The following PUS10 variants were observed in gnomAD, a reference collection of about 807,000 sequenced individuals.
PUS10 encodes tRNA pseudouridine synthase Pus10.
In PUS10, 59 loss-of-function variants were observed where a neutral mutation model predicts 75.0. The ratio of observed to expected loss-of-function variants is 0.79; its 90% CI spans 0.64 to 0.98. The LOEUF (loss-of-function observed/expected upper bound fraction) is 0.98, where lower values mean the gene tolerates loss of function less well. Among genes scored for constraint, PUS10 ranks in the 50% least tolerant of loss-of-function variants. The probability of loss-of-function intolerance (pLI) is 0.00; values close to 1 mark genes in which losing one functional copy is unlikely to be tolerated. For synonymous variants in PUS10, 219 were observed against 211.6 expected (o/e 1.03, Z -0.30); for missense variants, 650 against 614.4 (o/e 1.06, Z -0.61).
chr2:60,981,944 C>T (rs560007013), intron 4 of PUS10, among the ~76,000 whole-genome samples: 3 of 151,910 alleles, frequency 2.0e-5, no homozygotes, highest in African/African-American at 7.3e-5. Context: ...TTGAAACAAA[C>T]AATTTTGAAG....
At chr2:61,008,665 G>T in intron 3 of PUS10, 96 bp downstream of exon 3, 1 of 1,037,082 alleles carries the variant, frequency 9.6e-7, no homozygotes, top group African/African-American at 1.6e-5. Context: ...AAAAAGAATT[G>T]TCTTGTCTTG....
chr2:60,993,406 G>A (rs1028759091), intron 4 of PUS10, among the ~76,000 whole-genome samples: 51 of 151,894 alleles, frequency 3.4e-4, no homozygotes, highest in African/African-American at 1.1e-3. Context: ...GCAGTGAGCT[G>A]AGATCATGCC....
At chr2:60,972,961 T>A (rs1676779556) in intron 4 of PUS10, among the ~76,000 whole-genome samples, 1 of 152,200 alleles carries the variant, frequency 6.6e-6, no homozygotes, top group Non-Finnish European at 1.5e-5. Context: ...GCTGCTGCCA[T>A]CAAGCCTGCT....
chr2:60,971,189 AAAT>A (rs1425353346), intron 5 of PUS10, among the ~76,000 whole-genome samples: 1 of 151,540 alleles, frequency 6.6e-6, no homozygotes, highest in East Asian at 1.9e-4. Context: ...CAAAAAAAAA[AAAT>A]AATAATAATA....
chr2:60,992,549 T>C (rs997068942), intron 4 of PUS10, among the ~76,000 whole-genome samples: 7 of 152,188 alleles, frequency 4.6e-5, no homozygotes, highest in Non-Finnish European at 7.3e-5. Flanking sequence ...AGATAATCAA[T>C]ACACATCATA....
chr2:60,982,422 C>T (rs1677454950), intron 4 of PUS10, among the ~76,000 whole-genome samples: 1 of 152,012 alleles, frequency 6.6e-6, no homozygotes, highest in African/African-American at 2.4e-5. Context: ...ACCACCACAC[C>T]CAGCTAATTT....
At chr2:60,973,520 C>G (rs1321915373) in intron 4 of PUS10, among the ~76,000 whole-genome samples, 4 of 152,270 alleles carry the variant, frequency 2.6e-5, no homozygotes, top group African/African-American at 7.2e-5. Context: ...TGCTGACACG[C>G]CAGCCCCATG....
At position 60,941,921 on chromosome 2, in the gene PUS10, T is replaced by A. The variant is rs1056156082; in HGVS notation, c.*474A>T. ...TCCTGGGGAAAATAATGATGTCAGATTTGCATTTGCAATCTTAGACTATTA... is the reference window on the plus strand; with the variant it reads ...TCCTGGGGAAAATAATGATGTCAGAATTGCATTTGCAATCTTAGACTATTA... On this transcript the variant is annotated 3_prime_UTR_variant, in exon 18 of 18. Coordinates refer to ENST00000316752, the MANE Select transcript of PUS10 (RefSeq NM_144709.4). 1 of 152,580 alleles carries A rather than the reference T, an allele frequency of 6.6e-6. No individual in the cohort carries two copies. Among genetic ancestry groups the A allele is most frequent in the African/African-American group, 2.4e-5 (1 of 41,468 alleles). The allele number at this position is 152,580 out of a possible 1,614,324, so 9.5% of individuals were successfully genotyped here.
chr2:61,016,716 C>A (rs1170998155), intron 1 of PUS10, among the ~76,000 whole-genome samples: 1 of 152,156 alleles, frequency 6.6e-6, no homozygotes, highest in East Asian at 1.9e-4. Flanking sequence ...TTTATTTTCA[C>A]CTCTTGGACG....
intron 4 of PUS10, among the ~76,000 whole-genome samples, chr2:61,000,322 T>A (rs1216723970): frequency 6.6e-6 from 1 of 152,230 alleles, no homozygotes; most frequent in Non-Finnish European, 1.5e-5. Flanking sequence ...TGTGACCAGG[T>A]TTCAGATGGC....
chr2:60,955,458 T>A (rs980436286), intron 11 of PUS10, among the ~76,000 whole-genome samples: 5 of 152,100 alleles, frequency 3.3e-5, no homozygotes, highest in African/African-American at 1.2e-4. Context: ...GCCTCCCAAG[T>A]AGCTGGGATC....
chr2:60,982,046 G>A (rs1677427380), intron 4 of PUS10, among the ~76,000 whole-genome samples: 1 of 151,566 alleles, frequency 6.6e-6, no homozygotes, highest in African/African-American at 2.4e-5. Context: ...AAAACAGATT[G>A]ACCAATAACT....
intron 4 of PUS10, among the ~76,000 whole-genome samples, chr2:60,989,965 CA>C (rs1323229382): frequency 3.3e-5 from 5 of 151,960 alleles, no homozygotes; most frequent in African/African-American, 1.2e-4. Flanking sequence ...ATGACCAACT[CA>C]CCAACAATAA....
chr2:61,010,382 G>C (rs1403595161), intron 2 of PUS10: 1 of 173,214 alleles, frequency 5.8e-6, no homozygotes, highest in East Asian at 1.4e-4. Context: ...GCAGTGGCAT[G>C]ATCTCGGCTC....
Position 60,967,632 on chromosome 2 carries a change from A to C in PUS10, c.504-19T>G, listed in dbSNP as rs541342671. 6.6e-7 allele frequency: 1 copy of C among 1,514,700 alleles called. No individual in the cohort carries two copies. The highest frequency in any genetic ancestry group is 2.3e-5 in the East Asian group (1 of 43,910). 93.8% of individuals were successfully genotyped at this position (1,514,700 alleles called of 1,614,324 possible). ...CTGCTTTCTGAATAACATAAAAATTAATTCACTGACATGAAAAACTTTACT... is the reference window on the plus strand; with the variant it reads ...CTGCTTTCTGAATAACATAAAAATTCATTCACTGACATGAAAAACTTTACT... On this transcript the variant is annotated intron_variant, in intron 5 of 17. Coordinates refer to ENST00000316752, the MANE Select transcript of PUS10 (RefSeq NM_144709.4).
Position 60,960,486 on chromosome 2 carries a change from TG to T in PUS10, c.905del (p.Pro302HisfsTer6). Reference protein sequence around the residue: ...GRYNKYSRNLPQTPWIIDGER... With the variant: ...GRYNKYSRNLXQTPWIIDGER... The stretch of plus-strand genomic sequence containing the variant: ...CTCCATCAATTATCCAAGGAGTTTG[TG>T]GTAGATTCCTGGAGTATTTATTATA... On this transcript the variant is annotated frameshift_variant, in exon 11 of 18. Coordinates refer to ENST00000316752, the MANE Select transcript of PUS10 (RefSeq NM_144709.4). LOFTEE classifies it high-confidence loss of function. 1 of 1,575,142 alleles carries T rather than the reference TG, an allele frequency of 6.3e-7. No homozygotes were observed.
At chr2:61,017,221 A>C (rs1680056861) in intron 1 of PUS10, 1 of 152,660 alleles carries the variant, frequency 6.6e-6, no homozygotes, top group Non-Finnish European at 1.5e-5. Flanking sequence ...AAGAGGGAAG[A>C]CTAAAGACAA....
At chr2:60,962,991 T>C in intron 8 of PUS10, 101 bp from the exon 9 acceptor site, 2 of 1,425,276 alleles carry the variant, frequency 1.4e-6, no homozygotes, top group Non-Finnish European at 1.8e-6. Context: ...TATCATTTCA[T>C]TATATCATTT....
intron 4 of PUS10, among the ~76,000 whole-genome samples, chr2:61,001,950 A>G (rs1456578529): frequency 6.6e-6 from 1 of 151,830 alleles, no homozygotes; most frequent in East Asian, 1.9e-4. Context: ...AGTGTTTGAA[A>G]TCCACTTATC....
Sources: gnomAD v4.1 joint callset for allele counts (sites outside exome capture counted in the v4.1 genomes callset) on GRCh38, gnomAD v4.1.1 for gene constraint, MANE v1.5 for transcripts, NCBI Gene and HGNC (gene_info 2026-07-23, HGNC 2026-07-21) for gene names.